PINX1: variants seen among roughly 807,000 people sequenced by gnomAD.
The protein encoded by PINX1 is PIN2 (TERF1) interacting telomerase inhibitor 1, also known as PIN2/TERF1-interacting telomerase inhibitor 1.
A neutral mutation model predicts 25.4 loss-of-function variants in PINX1; 34 were observed. The ratio of observed to expected loss-of-function variants is 1.34; its 90% CI spans 1.02 to 1.78. PINX1 has a LOEUF of 1.78. PINX1 is among the 40% of genes most tolerant of loss of function. The pLI, the probability that PINX1 is intolerant of heterozygous loss-of-function variation, is 0.00. For synonymous variants in PINX1, 197 were observed against 147.7 expected (o/e 1.33, Z -2.42); for missense variants, 592 against 404.9 (o/e 1.46, Z -3.97).
intron 5 of PINX1, among the ~76,000 whole-genome samples, chr8:10,825,029 A>T (rs1292403333): frequency 6.6e-6 from 1 of 152,180 alleles, no homozygotes; most frequent in Non-Finnish European, 1.5e-5. Context: ...GAACGGAGGA[A>T]GCGGAAGAGC....
At chr8:10,799,708 T>C (rs1255928846) in intron 6 of PINX1, among the ~76,000 whole-genome samples, 1 of 152,206 alleles carries the variant, frequency 6.6e-6, no homozygotes, top group East Asian at 1.9e-4. Context: ...AATCCCTGCA[T>C]GTCTGAGTGA....
chr8:10,815,536 T>A lies in PINX1; in HGVS notation c.471+4657A>T, dbSNP rs577518633. ...AGACTTTTAAATGCATAGTCTTAGA[T>A]TTTAAAGCTTCTTTTTGGACCAAGG... is the stretch of plus-strand genomic sequence containing the variant. On this transcript the variant is annotated intron_variant, in intron 6 of 6. Transcript: ENST00000314787. 2.0e-5 allele frequency among the ~76,000 whole-genome samples: 3 copies of A among 152,306 alleles called. No individual in the cohort carries two copies. The East Asian group carries it at 5.8e-4, about 29-fold the overall frequency.
rs77022689 is a variant in PINX1 at position 10,806,506 on chromosome 8, G to C, written c.471+13687C>G. Among the ~76,000 whole-genome samples the C allele has an allele frequency of 3.9e-3, 594 of 152,290 alleles. 4 individuals carry two copies. Among genetic ancestry groups the C allele is most frequent in the African/African-American group, 0.014 (564 of 41,546 alleles). ...CCCTCACATGTATTGAGAGGAAACAGTTTATAACATTGTGGAAATGATGGA... is the reference window on the plus strand; with the variant it reads ...CCCTCACATGTATTGAGAGGAAACACTTTATAACATTGTGGAAATGATGGA... On this transcript the variant is annotated intron_variant, in intron 6 of 6. Coordinates refer to ENST00000314787, the MANE Select transcript of PINX1 (RefSeq NM_017884.6).
At chr8:10,818,736 G>T (rs1797776427) in intron 6 of PINX1, among the ~76,000 whole-genome samples, 1 of 152,166 alleles carries the variant, frequency 6.6e-6, no homozygotes, top group Non-Finnish European at 1.5e-5. Context: ...CAAAGGCTCA[G>T]GGTGTGATCG....
intron 6 of PINX1, among the ~76,000 whole-genome samples, chr8:10,803,494 C>T (rs1802335360): frequency 6.6e-6 from 1 of 152,172 alleles, no homozygotes; most frequent in African/African-American, 2.4e-5. Context: ...CCCACAATCC[C>T]ATATTTTTTT....
chr8:10,778,653 G>C (rs202036535), intron 6 of PINX1, among the ~76,000 whole-genome samples: 1 of 152,152 alleles, frequency 6.6e-6, no homozygotes, highest in East Asian at 1.9e-4. Flanking sequence ...GAGACACGTG[G>C]CCGCTGTTAA....
At position 10,765,508 on chromosome 8, in the gene PINX1, TG is replaced by T. The variant is rs1281579381; in HGVS notation, c.879del (p.Lys295ArgfsTer12). The T allele has an allele frequency of 3.1e-5, 50 of 1,613,740 alleles. No individual in the cohort carries two copies. The highest frequency in any genetic ancestry group is 4.2e-5 in the Non-Finnish European group (49 of 1,179,882). ...AGCTTTTTCTTCCCTCTCCTCTTTTTGGGCTTCAGGGTGAAGTCCCGGCCCT... is the reference window on the plus strand; with the variant it reads ...AGCTTTTTCTTCCCTCTCCTCTTTTTGGCTTCAGGGTGAAGTCCCGGCCCT... The part of the protein sequence containing the change: ...PPEGRDFTLK[P>X]KKRRGKKKLQ... On this transcript the variant is annotated frameshift_variant, in exon 7 of 7. Coordinates refer to ENST00000314787, the MANE Select transcript of PINX1 (RefSeq NM_017884.6). LOFTEE classifies it low-confidence loss of function (END_TRUNC).
chr8:10,825,465 G>A (rs1798007199), intron 5 of PINX1: 1 of 534,580 alleles, frequency 1.9e-6, no homozygotes, highest in Non-Finnish European at 3.8e-6. Context: ...AAACTGGGGA[G>A]TTGGTTCTAT....
intron 6 of PINX1, among the ~76,000 whole-genome samples, chr8:10,799,595 C>T (rs180690407): frequency 9.2e-5 from 14 of 152,306 alleles, no homozygotes; most frequent in East Asian, 3.9e-4. Flanking sequence ...AGAAAGCATT[C>T]GGGCAAAAGT....
intron 6 of PINX1, among the ~76,000 whole-genome samples, chr8:10,772,755 T>G (rs1375584993): frequency 1.3e-5 from 2 of 152,150 alleles, no homozygotes; most frequent in African/African-American, 4.8e-5. Context: ...AATAACAGAA[T>G]GAGAATTATG....
At chr8:10,801,372 A>C (rs10111878) in intron 6 of PINX1, among the ~76,000 whole-genome samples, 4,980 of 152,310 alleles carry the variant, frequency 0.033, 99 homozygotes, top group Middle Eastern at 0.085. Flanking sequence ...TTTATGCCTT[A>C]AAGAGTCTCC....
intron 5 of PINX1, among the ~76,000 whole-genome samples, chr8:10,824,452 G>T (rs963358021): frequency 6.6e-6 from 1 of 152,122 alleles, no homozygotes; most frequent in Non-Finnish European, 1.5e-5. Context: ...ATAGATCCGA[G>T]AATCCTTCTG....
intron 6 of PINX1, among the ~76,000 whole-genome samples, chr8:10,796,709 T>C (rs1802095550): frequency 6.6e-6 from 1 of 151,830 alleles, no homozygotes; most frequent in South Asian, 2.1e-4. Flanking sequence ...TTGTGTAGCT[T>C]TCCTCAACTT....
At chr8:10,835,077 A>G (rs1392769251) in intron 1 of PINX1, among the ~76,000 whole-genome samples, 1 of 152,234 alleles carries the variant, frequency 6.6e-6, no homozygotes, top group Non-Finnish European at 1.5e-5. Context: ...ATACTCCGCC[A>G]TCAGCACAAC....
intron 5 of PINX1, among the ~76,000 whole-genome samples, chr8:10,820,823 A>T (rs2033368): frequency 0.26 from 39,695 of 152,192 alleles, 5,486 homozygotes; most frequent in African/African-American, 0.28. Context: ...AAATACTGTA[A>T]AAGGGTGACA....
Position 10,785,031 on chromosome 8 carries a change from C to A in PINX1, c.472-19115G>T, listed in dbSNP as rs371413453. On this transcript the variant is annotated intron_variant, in intron 6 of 6. Transcript: ENST00000314787. Reference sequence around the variant, plus strand: ...GAAAAACCTACCAGCACTCTGATCCCTAATAAACATAAAGAGCGTATCATT... The same window carrying A: ...GAAAAACCTACCAGCACTCTGATCCATAATAAACATAAAGAGCGTATCATT... Among the ~76,000 whole-genome samples the A allele has an allele frequency of 4.0e-4, 61 of 152,276 alleles. No individual in the cohort carries two copies. In the South Asian group the frequency reaches 4.4e-3, roughly 11 times the overall value.
chr8:10,782,651 A>G (rs1801623421), intron 6 of PINX1, among the ~76,000 whole-genome samples: 1 of 152,116 alleles, frequency 6.6e-6, no homozygotes, highest in Non-Finnish European at 1.5e-5. Context: ...CAGCAGGATC[A>G]CTTGAATCCA....
intron 6 of PINX1, among the ~76,000 whole-genome samples, chr8:10,777,683 A>G (rs534081563): frequency 1.3e-5 from 2 of 152,206 alleles, no homozygotes; most frequent in African/African-American, 2.4e-5. Flanking sequence ...TTTAAAAAAC[A>G]CATGGATTTT....
In PINX1 at chr8:10,826,637, C is replaced by T. The variant is rs146730977; in HGVS notation, c.302-393G>A. Among the ~76,000 whole-genome samples, 27 of 152,348 alleles carry T rather than the reference C, an allele frequency of 1.8e-4. No homozygotes were observed. The East Asian group carries it at 3.1e-3, about 17-fold the overall frequency. On this transcript the variant is annotated intron_variant, in intron 4 of 6. Transcript: ENST00000314787. ...GAATGCATGAACAGCTGAGCAACCC[C>T]TGGGCCATCCTTACAGTGGAATACC...
Sources: allele counts gnomAD v4.1 joint callset (sites outside exome capture counted in the v4.1 genomes callset), GRCh38; gene constraint gnomAD v4.1.1; transcripts MANE v1.5; gene names NCBI Gene and HGNC (gene_info 2026-07-23, HGNC 2026-07-21).